Variants in CREB5 observed in about 807,000 individuals in gnomAD.
CREB5 encodes the protein cAMP responsive element binding protein 5.
Under a neutral mutation model 57.1 loss-of-function variants are expected in CREB5, and 19 were observed. That is an observed-to-expected ratio of 0.33 (90% CI 0.23 to 0.49). The LOEUF is 0.49. Among genes scored for constraint, CREB5 ranks in the 20% least tolerant of loss-of-function variants. The pLI, the probability that CREB5 is intolerant of heterozygous loss-of-function variation, is 0.99. For synonymous variants in CREB5, 238 were observed against 238.3 expected (o/e 1.00, Z 0.01); for missense variants, 579 against 671.6 (o/e 0.86, Z 1.52).
intron 4 of CREB5, among the ~76,000 whole-genome samples, chr7:28,520,055 C>T (rs968906442): frequency 2.0e-5 from 3 of 152,130 alleles, no homozygotes; most frequent in Non-Finnish European, 4.4e-5. Flanking sequence ...TTGGTGTGTG[C>T]TAGGAATGGC....
chr7:28,801,615 A>T (rs1808371159), intron 7 of CREB5, among the ~76,000 whole-genome samples: 1 of 152,192 alleles, frequency 6.6e-6, no homozygotes, highest in African/African-American at 2.4e-5. Context: ...CTCCATATAC[A>T]TATATAGAGT....
upstream of CREB5, among the ~76,000 whole-genome samples, chr7:28,411,000 G>T (rs1317636078): frequency 6.6e-6 from 1 of 152,116 alleles, no homozygotes; most frequent in Non-Finnish European, 1.5e-5. Context: ...CTTTCCCTGG[G>T]GCGAGCACGG....
At chr7:28,435,599 C>G in intron 1 of CREB5, 1 of 982,476 alleles carries the variant, frequency 1.0e-6, no homozygotes, top group South Asian at 4.7e-5. Flanking sequence ...CATTTATTTT[C>G]TTTGCAAAAG....
At chr7:28,405,942 T>C (rs1342872355) in intron 1 of CREB5, among the ~76,000 whole-genome samples, 3 of 152,188 alleles carry the variant, frequency 2.0e-5, no homozygotes, top group African/African-American at 7.2e-5. Flanking sequence ...ACCTTGGAAC[T>C]AAAATCCCTG....
chr7:28,737,560 T>TAC (rs1804077579), intron 7 of CREB5, among the ~76,000 whole-genome samples: 2 of 107,484 alleles, frequency 1.9e-5, no homozygotes, highest in African/African-American at 6.1e-5. Context: ...TATATATATA[T>TAC]ATATATATAT....
At chr7:28,525,035 T>A (rs1019398049) in intron 4 of CREB5, among the ~76,000 whole-genome samples, 4 of 146,168 alleles carry the variant, frequency 2.7e-5, no homozygotes, top group African/African-American at 1.0e-4. Context: ...TCTACCTTCA[T>A]GAGATAAACA....
At chr7:28,313,992 A>G (rs1327091775) in intron 1 of CREB5, among the ~76,000 whole-genome samples, 2 of 152,236 alleles carry the variant, frequency 1.3e-5, no homozygotes, top group East Asian at 3.8e-4. Flanking sequence ...GCCATGCCAA[A>G]GCAACCCCCA....
intron 1 of CREB5, among the ~76,000 whole-genome samples, chr7:28,402,015 T>C (rs1357258603): frequency 2.0e-5 from 3 of 152,246 alleles, no homozygotes; most frequent in Non-Finnish European, 2.9e-5. Flanking sequence ...TGAACTAGTT[T>C]ACAGTCCCAC....
Position 28,574,830 on chromosome 7 carries a change from T to TA in CREB5, c.464+4300dup, listed in dbSNP as rs1346086425. ...GAATGCATATATGAAGACATTTACGTAAAAAAACCCTCCCTGATTTTACAC... is the reference window on the plus strand; with the variant it reads ...GAATGCATATATGAAGACATTTACGTAAAAAAAACCCTCCCTGATTTTACAC... On this transcript the variant is annotated intron_variant, in intron 5 of 10. Coordinates refer to ENST00000357727, the MANE Select transcript of CREB5 (RefSeq NM_182898.4). Among the ~76,000 whole-genome samples the TA allele has an allele frequency of 8.1e-4, 123 of 152,120 alleles. 6 individuals are homozygous for TA. Among genetic ancestry groups the TA allele is most frequent in the Non-Finnish European group, 1.2e-4 (8 of 68,012 alleles).
chr7:28,693,167 A>G (rs1047483794), intron 5 of CREB5, among the ~76,000 whole-genome samples: 5 of 152,222 alleles, frequency 3.3e-5, no homozygotes, highest in Non-Finnish European at 7.3e-5. Context: ...TTCCATCTGA[A>G]TAACTAAAAT....
chr7:28,421,769 C>CTATATATATATATATACCA (rs151244858), intron 1 of CREB5, among the ~76,000 whole-genome samples: 5 of 98,380 alleles, frequency 5.1e-5, no homozygotes, highest in Non-Finnish European at 1.2e-4. Context: ...TACACACACA[C>CTATATATATATATATACCA]TATATATATA....
At chr7:28,443,107 A>T (rs545695014) in intron 1 of CREB5, among the ~76,000 whole-genome samples, 1 of 152,326 alleles carries the variant, frequency 6.6e-6, no homozygotes, top group Non-Finnish European at 1.5e-5. Context: ...TTAGTCTACT[A>T]GTTTCATGGA....
At chr7:28,565,313 A>G (rs1368871417) in intron 4 of CREB5, among the ~76,000 whole-genome samples, 1 of 152,196 alleles carries the variant, frequency 6.6e-6, no homozygotes, top group South Asian at 2.1e-4. Flanking sequence ...CAGGAAGCTC[A>G]GTATGTTACA....
intron 4 of CREB5, among the ~76,000 whole-genome samples, chr7:28,530,449 G>A (rs177595): frequency 0.12 from 17,495 of 152,096 alleles, 1,077 homozygotes; most frequent in African/African-American, 0.16. Context: ...CAATGTCAAG[G>A]GCTCCTAATG....
chr7:28,312,826 C>CT (rs1249563275), intron 1 of CREB5, among the ~76,000 whole-genome samples: 3 of 152,192 alleles, frequency 2.0e-5, no homozygotes, highest in Non-Finnish European at 4.4e-5. Flanking sequence ...TTCCAGTTCT[C>CT]TTTCCATAAC....
At chr7:28,410,848 T>G, upstream of CREB5, 1 of 330,642 alleles carries the variant, frequency 3.0e-6, no homozygotes, top group Non-Finnish European at 6.0e-6. Flanking sequence ...CTGCTTTGCA[T>G]CCCCCTACCC....
chr7:28,629,158 C>T (rs999146052), intron 5 of CREB5, among the ~76,000 whole-genome samples: 4 of 152,170 alleles, frequency 2.6e-5, no homozygotes, highest in African/African-American at 4.8e-5. Flanking sequence ...TAAAACAATA[C>T]GTGCGAAATC....
At chr7:28,460,765 G>A (rs543143868) in intron 1 of CREB5, among the ~76,000 whole-genome samples, 40 of 152,174 alleles carry the variant, frequency 2.6e-4, no homozygotes, top group East Asian at 1.3e-3. Flanking sequence ...CTTCGTAAAC[G>A]TCAGCTATTC....
At chr7:28,375,873 C>T (rs776145308) in intron 1 of CREB5, among the ~76,000 whole-genome samples, 8 of 152,178 alleles carry the variant, frequency 5.3e-5, no homozygotes, top group Non-Finnish European at 1.2e-4. Context: ...TTAATCCTCA[C>T]AACTCTGAGG....
Sources: gnomAD v4.1 joint callset for allele counts (sites outside exome capture counted in the v4.1 genomes callset) on GRCh38, gnomAD v4.1.1 for gene constraint, MANE v1.5 for transcripts, NCBI Gene and HGNC (gene_info 2026-07-23, HGNC 2026-07-21) for gene names.